The following KCNH7 variants were observed in gnomAD, a reference collection of about 807,000 sequenced individuals.
KCNH7 encodes voltage-gated inwardly rectifying potassium channel KCNH7.
In KCNH7, 49 loss-of-function variants were observed where a neutral mutation model predicts 120.8. The ratio of observed to expected loss-of-function variants is 0.41; its 90% confidence interval spans 0.32 to 0.51. The LOEUF is 0.51. Among genes scored for constraint, KCNH7 ranks in the 20% least tolerant of loss-of-function variants. The probability of loss-of-function intolerance (pLI) is 0.38; values close to 1 mark genes in which losing one functional copy is unlikely to be tolerated. For missense variants in KCNH7, 1,097 were observed against 1,446.6 expected, an observed-to-expected ratio of 0.76 and a Z score of 3.92; for synonymous variants, 547 against 516.1, an observed-to-expected ratio of 1.06 and a Z score of -0.81.
intron 6 of KCNH7, among the ~76,000 whole-genome samples, chr2:162,451,738 TTCTCTCCTATGG>T (rs1688778068): frequency 6.6e-6 from 1 of 152,062 alleles, no homozygotes; most frequent in African/African-American, 2.4e-5. Flanking sequence ...AATAGATATG[TTCTCTCCTATGG>T]TCTCTTAAGC....
At chr2:162,603,328 GT>G (rs1363599519) in intron 2 of KCNH7, among the ~76,000 whole-genome samples, 2 of 151,966 alleles carry the variant, frequency 1.3e-5, no homozygotes, top group Non-Finnish European at 2.9e-5. Flanking sequence ...TAAAAAATCT[GT>G]TTTCTGTGAG....
At chr2:162,737,784 G>A (rs1233284755) in intron 2 of KCNH7, among the ~76,000 whole-genome samples, 1 of 152,086 alleles carries the variant, frequency 6.6e-6, no homozygotes. Flanking sequence ...GTTGTGAAAG[G>A]CTGGGTGTGG....
chr2:162,521,180 G>A (rs1691507798), intron 3 of KCNH7, among the ~76,000 whole-genome samples: 1 of 151,862 alleles, frequency 6.6e-6, no homozygotes, highest in South Asian at 2.1e-4. Flanking sequence ...GGCCTCAGAA[G>A]GGCAGGGCCC....
chr2:162,441,999 C>CTGTTTTTTTTTT (rs1688430779), intron 7 of KCNH7, among the ~76,000 whole-genome samples: 1 of 41,576 alleles, frequency 2.4e-5, no homozygotes, highest in Non-Finnish European at 5.1e-5. Flanking sequence ...GTTAGGTCTT[C>CTGTTTTTTTTTT]TTTTTTTTTT....
At chr2:162,537,518 C>A (rs1041392915) in intron 2 of KCNH7, among the ~76,000 whole-genome samples, 4 of 151,936 alleles carry the variant, frequency 2.6e-5, no homozygotes, top group African/African-American at 7.2e-5. Context: ...AACTTATGTG[C>A]TTTTTCTCTT....
intron 2 of KCNH7, among the ~76,000 whole-genome samples, chr2:162,544,704 A>G (rs972107356): frequency 7.9e-5 from 12 of 151,900 alleles, no homozygotes; most frequent in African/African-American, 2.4e-4. Flanking sequence ...AGCCTTGTCC[A>G]TTTCCACCCC....
intron 6 of KCNH7, among the ~76,000 whole-genome samples, chr2:162,483,185 T>C (rs979842056): frequency 2.0e-5 from 3 of 152,072 alleles, no homozygotes; most frequent in Non-Finnish European, 4.4e-5. Context: ...ATATTCCATA[T>C]GGTTGGGAAA....
At chr2:162,752,988 GAA>G (rs1231765534) in intron 2 of KCNH7, among the ~76,000 whole-genome samples, 1 of 126,014 alleles carries the variant, frequency 7.9e-6, no homozygotes, top group Non-Finnish European at 1.5e-5. Context: ...GAAAAGAAAA[GAA>G]AAGAAAAGAA....
intron 2 of KCNH7, among the ~76,000 whole-genome samples, chr2:162,752,904 AAAAGAAAAGAAAAGAAAAGAAAAG>A (rs1688613985): frequency 3.9e-5 from 2 of 50,922 alleles, no homozygotes; most frequent in East Asian, 4.9e-4. Context: ...ACATCTCAGA[AAAAGAAAAGAAAAGAAAAGAAAAG>A]AAAAGAAAAG....
intron 2 of KCNH7, among the ~76,000 whole-genome samples, chr2:162,600,112 C>G (rs953283658): frequency 4.6e-5 from 7 of 152,114 alleles, no homozygotes; most frequent in African/African-American, 1.7e-4. Context: ...AATGACCACT[C>G]TCTCTAGCTT....
intron 7 of KCNH7, among the ~76,000 whole-genome samples, chr2:162,442,616 T>C (rs142436481): frequency 9.0e-4 from 137 of 152,180 alleles, no homozygotes; most frequent in African/African-American, 3.0e-3. Context: ...TCCAGCACTT[T>C]GGGAGGCTGA....
chr2:162,703,948 G>T (rs915554173), intron 2 of KCNH7, among the ~76,000 whole-genome samples: 3 of 152,004 alleles, frequency 2.0e-5, no homozygotes, highest in Non-Finnish European at 4.4e-5. Context: ...GAGTTTCTTG[G>T]AAAAGAGCAG....
At chr2:162,599,207 A>AAAAT (rs1042980184) in intron 2 of KCNH7, among the ~76,000 whole-genome samples, 10 of 151,990 alleles carry the variant, frequency 6.6e-5, no homozygotes, top group Non-Finnish European at 1.2e-4. Flanking sequence ...TCTGTCTCAA[A>AAAAT]AAATAAATAA....
intron 2 of KCNH7, among the ~76,000 whole-genome samples, chr2:162,766,293 C>A (rs1331490322): frequency 6.6e-6 from 1 of 152,036 alleles, no homozygotes; most frequent in Non-Finnish European, 1.5e-5. Context: ...TTGGCACATG[C>A]GCCTTGACGT....
chr2:162,793,320 G>A (rs1388928001), intron 2 of KCNH7, among the ~76,000 whole-genome samples: 4 of 151,850 alleles, frequency 2.6e-5, no homozygotes, highest in African/African-American at 4.8e-5. Flanking sequence ...GGAGGAGGGA[G>A]GGGATCAGCA....
At chr2:162,813,859 C>T (rs1454940664) in intron 2 of KCNH7, among the ~76,000 whole-genome samples, 1 of 152,140 alleles carries the variant, frequency 6.6e-6, no homozygotes, top group Non-Finnish European at 1.5e-5. Context: ...TCTAAGTGAA[C>T]ATGATACAAT....
At position 162,551,199 on chromosome 2, in the gene KCNH7, C is replaced by CA. The variant is rs1219318182; in HGVS notation, c.308-14120dup. Among the ~76,000 whole-genome samples, 6 of 152,128 alleles carry CA rather than the reference C, an allele frequency of 3.9e-5. No homozygotes were observed. The East Asian group carries it at 1.2e-3, about 29-fold the overall frequency. ...AATGACAGAAAGTAAAACAAAGAAA[C>CA]AGCAAAAACTGACAGAATGGGCTTA... On this transcript the variant is annotated intron_variant, in intron 2 of 15. Transcript: ENST00000332142.
chr2:162,450,780 G>T (rs1688741742), intron 6 of KCNH7, among the ~76,000 whole-genome samples: 1 of 151,926 alleles, frequency 6.6e-6, no homozygotes. Context: ...GATGCATCTG[G>T]CAATGGAATG....
chr2:162,805,066 C>A (rs551110330), intron 2 of KCNH7, among the ~76,000 whole-genome samples: 1 of 152,016 alleles, frequency 6.6e-6, no homozygotes, highest in African/African-American at 2.4e-5. Flanking sequence ...CTATCTCTCA[C>A]CCTAAACAAA....
Sources: allele counts gnomAD v4.1 joint callset (sites outside exome capture counted in the v4.1 genomes callset), GRCh38; gene constraint gnomAD v4.1.1; transcripts MANE v1.5; gene names NCBI Gene and HGNC (gene_info 2026-07-23, HGNC 2026-07-21).